FAM149A: variants seen among roughly 807,000 people sequenced by gnomAD.
The protein encoded by FAM149A is protein FAM149A.
Under a neutral mutation model 78.2 loss-of-function variants are expected in FAM149A, and 71 were observed. The ratio of observed to expected loss-of-function variants is 0.91; its 90% CI spans 0.75 to 1.11. The LOEUF (loss-of-function observed/expected upper bound fraction) is 1.11. Ranked by LOEUF, FAM149A falls within the 50% of genes least tolerant of loss-of-function variation. The probability of loss-of-function intolerance (pLI) is 0.00; values close to 1 mark genes in which losing one functional copy is unlikely to be tolerated. For missense variants in FAM149A, 1,036 were observed against 971.0 expected, an observed-to-expected ratio of 1.07 and a Z score of -0.89; for synonymous variants, 446 against 410.5, an observed-to-expected ratio of 1.09 and a Z score of -1.04.
chr4:186,132,768 C>A (rs1240577534), intron 1 of FAM149A, among the ~76,000 whole-genome samples: 2 of 152,136 alleles, frequency 1.3e-5, no homozygotes, highest in Non-Finnish European at 2.9e-5. Context: ...AGATATTGAA[C>A]CTTTTATCTG....
intron 1 of FAM149A, chr4:186,117,406 A>G: frequency 1.0e-6 from 1 of 980,732 alleles, no homozygotes; most frequent in Non-Finnish European, 1.2e-6. Context: ...AAGATAAATG[A>G]TCCAAGAGTG....
At chr4:186,119,790 T>G (rs1172237192) in intron 1 of FAM149A, among the ~76,000 whole-genome samples, 1 of 152,158 alleles carries the variant, frequency 6.6e-6, no homozygotes, top group Non-Finnish European at 1.5e-5. Context: ...AATGCAACAT[T>G]TAATTCAATT....
At chr4:186,152,115 C>T in intron 4 of FAM149A, 70 bp downstream of exon 4, 1 of 1,457,706 alleles carries the variant, frequency 6.9e-7, no homozygotes, top group Non-Finnish European at 9.6e-7. Flanking sequence ...TGCCTCGATA[C>T]ATTCAGTACA....
intron 3 of FAM149A, among the ~76,000 whole-genome samples, chr4:186,150,584 T>TC (rs1733469180): frequency 2.7e-5 from 1 of 36,486 alleles, no homozygotes; most frequent in African/African-American, 7.5e-5. Context: ...CACGCCCGGC[T>TC]AATTTTTTGT....
At chr4:186,166,857 TA>T in intron 11 of FAM149A, 110 bp from the exon 12 acceptor site, 2 of 994,070 alleles carry the variant, frequency 2.0e-6, no homozygotes, top group Non-Finnish European at 3.1e-6. Flanking sequence ...TAGTAATGTC[TA>T]ACTAAAAGTT....
chr4:186,146,691 G>A (rs1010315247), intron 1 of FAM149A: 4 of 780,130 alleles, frequency 5.1e-6, no homozygotes, highest in South Asian at 5.8e-5. Context: ...TCCGTTTGGC[G>A]GTGAAAACCA....
At chr4:186,163,067 T>G in intron 9 of FAM149A, 119 bp downstream of exon 9, 1 of 683,564 alleles carries the variant, frequency 1.5e-6, no homozygotes, top group Non-Finnish European at 2.6e-6. Flanking sequence ...GTGCTTCAGA[T>G]GTGCCTGAGC....
chr4:186,128,111 C>T (rs2099319182), intron 1 of FAM149A, among the ~76,000 whole-genome samples: 1 of 150,478 alleles, frequency 6.6e-6, no homozygotes, highest in South Asian at 2.1e-4. Flanking sequence ...CTGCCTCAGC[C>T]TCCCGAGTAG....
At chr4:186,141,610 CAG>C (rs1445386752) in intron 1 of FAM149A, among the ~76,000 whole-genome samples, 1 of 152,116 alleles carries the variant, frequency 6.6e-6, no homozygotes, top group Non-Finnish European at 1.5e-5. Flanking sequence ...AGGTTTTGAA[CAG>C]AAGTCATAAG....
intron 1 of FAM149A, among the ~76,000 whole-genome samples, chr4:186,130,345 T>TA (rs1227696153): frequency 7.2e-6 from 1 of 138,800 alleles, no homozygotes; most frequent in East Asian, 2.2e-4. Flanking sequence ...AAAGGAGAAA[T>TA]CCAAAATTGT....
At chr4:186,123,188 A>G (rs2099316833) in intron 1 of FAM149A, 1 of 983,388 alleles carries the variant, frequency 1.0e-6, no homozygotes, top group Admixed American at 6.1e-5. Flanking sequence ...TGAAAAGGAA[A>G]TGTCACATTA....
intron 1 of FAM149A, chr4:186,133,287 A>T (rs1579827391): frequency 1.4e-6 from 1 of 740,324 alleles, no homozygotes; most frequent in East Asian, 1.3e-4. Flanking sequence ...TGCAGTCACC[A>T]CCGCCATCCA....
chr4:186,152,791 G>A (rs1167356639), intron 4 of FAM149A, among the ~76,000 whole-genome samples: 6 of 151,966 alleles, frequency 3.9e-5, no homozygotes, highest in South Asian at 2.1e-4. Context: ...TGATCCGCCC[G>A]CCTCAGCCTC....
chr4:186,139,095 A>G (rs1442507153), intron 1 of FAM149A, among the ~76,000 whole-genome samples: 3 of 152,122 alleles, frequency 2.0e-5, no homozygotes, highest in African/African-American at 7.2e-5. Flanking sequence ...CACATGATGT[A>G]TTTTGTTACT....
rs2099323216 is a variant in FAM149A at position 186,136,964 on chromosome 4, T to TTCTCTTTCTCTCTCTCTCTCTCTC, written c.567-12204_567-12203insTTCTCTCTCTCTCTCTCTCTCTCT. ...TCTCTCTCTCTCTCTCTCTCTCTCT[T>TTCTCTTTCTCTCTCTCTCTCTCTC]TCTCTCTCTCTTTCTCTCTCTCTCT... On this transcript the variant is annotated intron_variant, in intron 1 of 13. Transcript: ENST00000389354. 4.9e-3 allele frequency among the ~76,000 whole-genome samples: 472 copies of TTCTCTTTCTCTCTCTCTCTCTCTC among 97,078 alleles called. 23 individuals are homozygous for TTCTCTTTCTCTCTCTCTCTCTCTC. Among genetic ancestry groups the TTCTCTTTCTCTCTCTCTCTCTCTC allele is most frequent in the African/African-American group, 0.02 (453 of 22,468 alleles). 63.7% of individuals were successfully genotyped at this position (97,078 alleles called of 152,430 possible).
At chr4:186,150,911 G>C (rs935416673) in intron 3 of FAM149A, 1 of 242,792 alleles carries the variant, frequency 4.1e-6, no homozygotes, top group South Asian at 1.5e-4. Context: ...TAGTAGAGAC[G>C]GTGTTTCACC....
chr4:186,160,774 AC>A lies in FAM149A; in HGVS notation c.1576-2069del, dbSNP rs1734541190. 11 of 926,364 alleles carry A rather than the reference AC, an allele frequency of 1.2e-5. No homozygotes were observed. The African/African-American group carries it at 2.7e-4, about 22-fold the overall frequency. 57.4% of individuals were successfully genotyped at this position (926,364 alleles called of 1,614,324 possible). On this transcript the variant is annotated intron_variant, in intron 8 of 13. Coordinates refer to ENST00000389354, the MANE Select transcript of FAM149A (RefSeq NM_001367768.3). ...CCACACCACACACACACCACATCAC[AC>A]CACACCACACACACACACACACACA...
intron 1 of FAM149A, among the ~76,000 whole-genome samples, chr4:186,145,455 G>A (rs900839801): frequency 6.6e-6 from 1 of 152,194 alleles, no homozygotes; most frequent in African/African-American, 2.4e-5. Context: ...CAGTGCTTAT[G>A]TCAGACAGTC....
chr4:186,125,228 T>G (rs2099317795), intron 1 of FAM149A: 1 of 982,792 alleles, frequency 1.0e-6, no homozygotes, highest in Admixed American at 6.1e-5. Context: ...CTCAGTACTT[T>G]TTCTCTAAGT....
Sources: allele counts gnomAD v4.1 joint callset (sites outside exome capture counted in the v4.1 genomes callset), GRCh38; gene constraint gnomAD v4.1.1; transcripts MANE v1.5; gene names NCBI Gene and HGNC (gene_info 2026-07-23, HGNC 2026-07-21).